CCSER2: variants seen among roughly 807,000 people sequenced by gnomAD.
CCSER2 encodes the protein coiled-coil serine rich protein 2, also known as serine-rich coiled-coil domain-containing protein 2.
A neutral mutation model predicts 92.3 loss-of-function variants in CCSER2; 46 were observed. That is an observed-to-expected ratio of 0.50 (90% CI 0.39 to 0.64). CCSER2 has a LOEUF of 0.64. Among genes scored for constraint, CCSER2 ranks in the 30% least tolerant of loss-of-function variants. The probability of loss-of-function intolerance (pLI) is 0.00; values close to 1 mark genes in which losing one functional copy is unlikely to be tolerated. For synonymous variants in CCSER2, 433 were observed against 431.4 expected (o/e 1.00, Z -0.04); for missense variants, 1,244 against 1,238.9 (o/e 1.00, Z -0.06).
chr10:84,391,513 G>T, intron 3 of CCSER2: 1 of 1,519,466 alleles, frequency 6.6e-7, no homozygotes, highest in Non-Finnish European at 9.1e-7. Flanking sequence ...TGCCAATACT[G>T]GGAATCAACC....
At chr10:84,463,749 A>G (rs1340699405) in intron 6 of CCSER2, among the ~76,000 whole-genome samples, 184 bp from the exon 7 acceptor site, 1 of 152,104 alleles carries the variant, frequency 6.6e-6, no homozygotes, top group Non-Finnish European at 1.5e-5. Context: ...CTTCTTCCAC[A>G]TTTCCTTCTA....
chr10:84,482,665 A>G (rs1393187558), intron 9 of CCSER2, among the ~76,000 whole-genome samples: 4 of 152,192 alleles, frequency 2.6e-5, no homozygotes, highest in African/African-American at 9.7e-5. Context: ...AGAAGCCAAA[A>G]TATTAGAAAA....
intron 9 of CCSER2, among the ~76,000 whole-genome samples, chr10:84,482,972 T>G (rs1847544129): frequency 6.6e-6 from 1 of 152,214 alleles, no homozygotes; most frequent in African/African-American, 2.4e-5. Flanking sequence ...AAAAGGTGAT[T>G]TTATATACAT....
chr10:84,462,304 T>C (rs984515215), intron 6 of CCSER2, among the ~76,000 whole-genome samples: 6 of 152,240 alleles, frequency 3.9e-5, no homozygotes, highest in Admixed American at 2.0e-4. Context: ...TATTCTGCTG[T>C]ACACTTCCCA....
At chr10:84,336,426 G>A (rs895312369) in intron 1 of CCSER2, among the ~76,000 whole-genome samples, 3 of 152,304 alleles carry the variant, frequency 2.0e-5, no homozygotes, top group African/African-American at 7.2e-5. Context: ...AACATGTGAG[G>A]GTGATGCTGC....
intron 6 of CCSER2, chr10:84,455,822 T>A: frequency 1.1e-6 from 1 of 902,326 alleles, no homozygotes; most frequent in Non-Finnish European, 1.9e-6. Flanking sequence ...ATCCCATCCA[T>A]AATTACTGGT....
At chr10:84,412,005 G>GT (rs946088035) in intron 3 of CCSER2, among the ~76,000 whole-genome samples, 28 of 152,114 alleles carry the variant, frequency 1.8e-4, no homozygotes, top group African/African-American at 6.8e-4. Context: ...TTTATTGAGT[G>GT]TTTTTAACAT....
At chr10:84,345,436 C>T (rs1844422836) in intron 1 of CCSER2, among the ~76,000 whole-genome samples, 1 of 152,090 alleles carries the variant, frequency 6.6e-6, no homozygotes, top group African/African-American at 2.4e-5. Context: ...TGAATGTTAC[C>T]ATCTAATCAT....
intron 3 of CCSER2, among the ~76,000 whole-genome samples, chr10:84,384,525 T>C (rs983713515): frequency 6.6e-6 from 1 of 152,156 alleles, no homozygotes; most frequent in Non-Finnish European, 1.5e-5. Flanking sequence ...AAAATCCATA[T>C]GATCATCTCA....
chr10:84,367,641 A>T (rs1001472577), intron 1 of CCSER2, among the ~76,000 whole-genome samples: 1 of 150,398 alleles, frequency 6.6e-6, no homozygotes, highest in African/African-American at 2.5e-5. Flanking sequence ...AGCCTCCTCG[A>T]TATACTCTTG....
At chr10:84,494,360 G>T (rs1848332966) in intron 9 of CCSER2, among the ~76,000 whole-genome samples, 1 of 152,168 alleles carries the variant, frequency 6.6e-6, no homozygotes, top group Non-Finnish European at 1.5e-5. Context: ...TCTTGGTTGT[G>T]GTGGGTTTTG....
In CCSER2 at chr10:84,371,912, G is replaced by T; in HGVS notation, c.860G>T (p.Gly287Val). The change falls in exon 2 of 10, where the codon GGG becomes GTG. Residue 287 changes from glycine to valine, a missense_variant. Physicochemically the swap from Gly to Val is moderately radical, Grantham distance 109 (BLOSUM62 -3). Coordinates refer to ENST00000372088, the MANE Select transcript of CCSER2 (RefSeq NM_001284240.2). ...PEVLNGNEHL[G>V]YGFNRPYAAG... ...GTACTCAATGGGAATGAACATTTGG[G>T]GTATGGATTTAATAGGCCTTATGCT... The T allele has an allele frequency of 6.2e-7, 1 of 1,613,802 alleles. No individual in the cohort carries two copies. Among genetic ancestry groups the T allele is most frequent in the Non-Finnish European group, 8.5e-7 (1 of 1,179,840 alleles).
chr10:84,355,723 T>A (rs979284384), intron 1 of CCSER2, among the ~76,000 whole-genome samples: 1 of 152,260 alleles, frequency 6.6e-6, no homozygotes, highest in Non-Finnish European at 1.5e-5. Context: ...AAGCATTTCT[T>A]CCTTTACCAG....
chr10:84,348,128 C>G (rs910909007), intron 1 of CCSER2, among the ~76,000 whole-genome samples: 1 of 152,154 alleles, frequency 6.6e-6, no homozygotes, highest in African/African-American at 2.4e-5. Flanking sequence ...TTGTAGAGAG[C>G]CGAGATCACG....
At chr10:84,443,592 C>G (rs903681431) in intron 6 of CCSER2, among the ~76,000 whole-genome samples, 2 of 152,140 alleles carry the variant, frequency 1.3e-5, no homozygotes, top group African/African-American at 4.8e-5. Flanking sequence ...AGCGATTCCT[C>G]AAGGATCTAG....
At chr10:84,342,955 C>T (rs143003675) in intron 1 of CCSER2, among the ~76,000 whole-genome samples, 2,756 of 152,208 alleles carry the variant, frequency 0.018, 86 homozygotes, top group African/African-American at 0.062. Flanking sequence ...TCACTGCAAC[C>T]TCTGCCTCCC....
intron 3 of CCSER2, among the ~76,000 whole-genome samples, chr10:84,377,061 A>C (rs1846376964): frequency 6.6e-6 from 1 of 152,036 alleles, no homozygotes; most frequent in Non-Finnish European, 1.5e-5. Context: ...ATAAATATTT[A>C]TTTTATATCA....
intron 6 of CCSER2, among the ~76,000 whole-genome samples, chr10:84,441,736 G>A (rs199899759): frequency 5.3e-4 from 23 of 43,646 alleles, no homozygotes; most frequent in South Asian, 7.7e-4. Context: ...CTGGGAAAAT[G>A]TTTTTTTTTT....
intron 3 of CCSER2, chr10:84,391,338 T>A: frequency 7.0e-7 from 1 of 1,430,046 alleles, no homozygotes; most frequent in South Asian, 1.1e-5. Flanking sequence ...GCTGAAGGAC[T>A]TGGAGGCAAC....
Sources: allele counts gnomAD v4.1 joint callset (sites outside exome capture counted in the v4.1 genomes callset), GRCh38; gene constraint gnomAD v4.1.1; transcripts MANE v1.5; gene names NCBI Gene and HGNC (gene_info 2026-07-23, HGNC 2026-07-21).